FAM83F: variants seen among roughly 807,000 people sequenced by gnomAD.
The protein encoded by FAM83F is protein FAM83F.
Under a neutral mutation model 42.9 loss-of-function variants are expected in FAM83F, and 45 were observed. The observed-to-expected ratio is 1.05, with a 90% CI of 0.83 to 1.35. FAM83F has a LOEUF of 1.35. Ranked by LOEUF, FAM83F falls within the 40% of genes most tolerant of loss-of-function variation. The probability of loss-of-function intolerance (pLI) is 0.00; values close to 1 mark genes in which losing one functional copy is unlikely to be tolerated. For synonymous variants in FAM83F, 306 were observed against 298.3 expected, an observed-to-expected ratio of 1.03 and a Z score of -0.27; for missense variants, 617 against 695.9, an observed-to-expected ratio of 0.89 and a Z score of 1.28.
Position 40,021,623 on chromosome 22 carries a change from G to A in FAM83F, c.1113G>A (p.Leu371=). The A allele has an allele frequency of 6.3e-7, 1 of 1,590,526 alleles. No homozygotes were observed. Among genetic ancestry groups the A allele is most frequent in the Non-Finnish European group, 8.6e-7 (1 of 1,163,114 alleles). The change falls in exon 4 of 5, where the codon CTG becomes CTA. Residue 371 remains leucine, a synonymous_variant. Transcript: ENST00000333407. The surrounding 1 kb of genome is among the most constrained non-coding windows in gnomAD (Gnocchi z 8.7). Reference sequence around the variant, plus strand: ...GCGGTGGCGAGTCGGCCTGGCGCCTGGAGAGCTTCCTGAAAGACCTGGTTA... The same window carrying A: ...GCGGTGGCGAGTCGGCCTGGCGCCTAGAGAGCTTCCTGAAAGACCTGGTTA... ...GASGGESAWR[L]ESFLKDLVTV... is the part of the protein sequence containing the mutation.
At chr22:40,029,080 CG>C (rs1402397539) in intron 4 of FAM83F, among the ~76,000 whole-genome samples, 5 of 130,520 alleles carry the variant, frequency 3.8e-5, no homozygotes, top group African/African-American at 1.4e-4. Context: ...CTTGGCTAGA[CG>C]TGTGTGTGTG....
In FAM83F at chr22:40,021,730, T is replaced by G. The variant is rs554648866; in HGVS notation, c.1220T>G (p.Met407Arg). The G allele has an allele frequency of 1.2e-6, 2 of 1,612,926 alleles. No individual in the cohort carries two copies. The highest frequency in any genetic ancestry group is 2.7e-5 in the African/African-American group (2 of 74,998). The change falls in exon 4 of 5, where the codon ATG (methionine) becomes AGG (arginine). Residue 407 changes from methionine to arginine, a missense_variant. Transcript: ENST00000333407. The surrounding 1 kb of genome is among the most constrained non-coding windows in gnomAD (Gnocchi z 8.7). Reference sequence around the variant, plus strand: ...AAGGATGGCAGGATGGTCTCTCACATGCACAGAGACCTGAAGCCCAAATCC... The same window carrying G: ...AAGGATGGCAGGATGGTCTCTCACAGGCACAGAGACCTGAAGCCCAAATCC... ...SQKDGRMVSH[M>R]HRDLKPKSRE...
At position 39,995,655 on chromosome 22, in the gene FAM83F, A is replaced by G; in HGVS notation, c.489+124A>G. 1 of 1,387,390 alleles carries G rather than the reference A, an allele frequency of 7.2e-7. No homozygotes were observed. The highest frequency in any genetic ancestry group is 9.5e-7 in the Non-Finnish European group (1 of 1,056,102). 85.9% of individuals were successfully genotyped at this position (1,387,390 alleles called of 1,614,324 possible). ...AGCACCCTCTGGAAAATGGGCCCCA[A>G]CCCGCCCCTACTTCCTGGGGCTGCA... On this transcript the variant is annotated intron_variant, in intron 1 of 4. Transcript: ENST00000333407. The surrounding 1 kb of genome is among the most constrained non-coding windows in gnomAD (Gnocchi z 4.6).
At position 40,041,192 on chromosome 22, in the gene FAM83F, C is replaced by A. The variant is rs549790676; in HGVS notation, c.*11627C>A. Reference sequence around the variant, plus strand: ...ACTGTATAGAACACCACATATAGAGCGCTAAGAATAGCACAGCGCTCCAAG... The same window carrying A: ...ACTGTATAGAACACCACATATAGAGAGCTAAGAATAGCACAGCGCTCCAAG... On this transcript the variant is annotated 3_prime_UTR_variant, in exon 5 of 5. Coordinates refer to ENST00000333407, the MANE Select transcript of FAM83F (RefSeq NM_138435.4). The A allele has an allele frequency of 2.0e-5, 3 of 152,204 alleles. No individual in the cohort carries two copies. Among genetic ancestry groups the A allele is most frequent in the South Asian group, 4.1e-4 (2 of 4,828 alleles). The allele number at this position is 152,204 out of a possible 1,614,324, so 9.4% of individuals were successfully genotyped here.
At chr22:40,020,966 T>A (rs2067516547) in intron 3 of FAM83F, among the ~76,000 whole-genome samples, 1 of 152,212 alleles carries the variant, frequency 6.6e-6, no homozygotes, top group Non-Finnish European at 1.5e-5. Context: ...GTTACTTCAT[T>A]TGTGCCTCAC....
chr22:40,018,007 G>A (rs1056287427), intron 1 of FAM83F, among the ~76,000 whole-genome samples: 19 of 152,228 alleles, frequency 1.2e-4, no homozygotes, highest in Non-Finnish European at 5.9e-5. Flanking sequence ...CAGCTGGAGC[G>A]TGGAGCATGG....
chr22:40,027,555 C>A (rs1286652498), intron 4 of FAM83F, among the ~76,000 whole-genome samples: 1 of 152,254 alleles, frequency 6.6e-6, no homozygotes, highest in Non-Finnish European at 1.5e-5. Context: ...CATTTATACA[C>A]CTTCCCTGTT....
At chr22:39,997,587 C>T (rs1337581787) in intron 1 of FAM83F, among the ~76,000 whole-genome samples, 1 of 152,028 alleles carries the variant, frequency 6.6e-6, no homozygotes, top group Non-Finnish European at 1.5e-5. Context: ...GCTGAATGTG[C>T]CTAATCTGGG....
chr22:40,026,239 G>A (rs2067551671), intron 4 of FAM83F, among the ~76,000 whole-genome samples: 2 of 152,196 alleles, frequency 1.3e-5, no homozygotes, highest in Admixed American at 1.3e-4. Context: ...AGACTGTTTG[G>A]GCCCGGCGTG....
chr22:40,025,183 G>A (rs980746966), intron 4 of FAM83F, among the ~76,000 whole-genome samples: 13 of 152,172 alleles, frequency 8.5e-5, no homozygotes, highest in African/African-American at 3.1e-4. Flanking sequence ...GCTTTGGGAG[G>A]CTGAGCTGGG....
At chr22:40,020,778 A>C (rs1438821908) in intron 3 of FAM83F, among the ~76,000 whole-genome samples, 2 of 152,204 alleles carry the variant, frequency 1.3e-5, no homozygotes, top group African/African-American at 4.8e-5. Context: ...TGAAACAGTG[A>C]ATAGCAGGGT....
At chr22:40,013,730 T>C (rs1489039733) in intron 1 of FAM83F, among the ~76,000 whole-genome samples, 1 of 152,128 alleles carries the variant, frequency 6.6e-6, no homozygotes, top group Admixed American at 6.5e-5. Context: ...ATATGGAGAG[T>C]ATTCGATTTT....
At chr22:40,014,131 C>CTTTTTTTTTTTTT (rs57224519) in intron 1 of FAM83F, among the ~76,000 whole-genome samples, 605 of 116,798 alleles carry the variant, frequency 5.2e-3, no homozygotes, top group African/African-American at 5.9e-3. Flanking sequence ...TATTTCTTTT[C>CTTTTTTTTTTTTT]TTTTTTTTTT....
chr22:40,029,200 C>G (rs948170975), intron 4 of FAM83F, among the ~76,000 whole-genome samples: 4 of 151,542 alleles, frequency 2.6e-5, no homozygotes, highest in Non-Finnish European at 4.4e-5. Flanking sequence ...GCAGCCAAGA[C>G]TTTGGACTTG....
intron 1 of FAM83F, among the ~76,000 whole-genome samples, chr22:40,016,871 C>A (rs900914849): frequency 1.3e-5 from 2 of 151,868 alleles, no homozygotes; most frequent in Non-Finnish European, 2.9e-5. Flanking sequence ...ACCATGTTGG[C>A]CAGGCTGGTT....
At chr22:40,020,124 G>A (rs146593809) in intron 3 of FAM83F, 116 bp downstream of exon 3, 1 of 1,412,136 alleles carries the variant, frequency 7.1e-7, no homozygotes, top group Non-Finnish European at 9.4e-7. Flanking sequence ...ATCATCTGAC[G>A]CAATAGCAAA....
rs191457918 is a variant in FAM83F, at chr22:40,001,178, T to G, written c.489+5647T>G. 2.6e-4 allele frequency among the ~76,000 whole-genome samples: 39 copies of G among 152,322 alleles called. 1 individual carries two copies. The highest frequency in any genetic ancestry group is 9.4e-4 in the African/African-American group (39 of 41,588). ...CCCAGGAGCTGGCATTTCTGAGCAA[T>G]GGACCAGCTTCATGTCAAAAACAGA... On this transcript the variant is annotated intron_variant, in intron 1 of 4. Transcript: ENST00000333407.
chr22:40,026,350 C>G (rs979153881), intron 4 of FAM83F, among the ~76,000 whole-genome samples: 1 of 152,074 alleles, frequency 6.6e-6, no homozygotes, highest in Non-Finnish European at 1.5e-5. Context: ...GAAATCCTGT[C>G]TCTACTAAAA....
intron 1 of FAM83F, among the ~76,000 whole-genome samples, chr22:40,001,769 T>C (rs2067402935): frequency 6.6e-6 from 1 of 152,216 alleles, no homozygotes; most frequent in Non-Finnish European, 1.5e-5. Context: ...TTTTAGAAAG[T>C]AACTGCTGTC....
Sources: gnomAD v4.1 joint callset for allele counts (sites outside exome capture counted in the v4.1 genomes callset) on GRCh38, gnomAD v4.1.1 for gene constraint, Gnocchi (gnomAD v3.1) non-coding constraint, MANE v1.5 for transcripts, NCBI Gene and HGNC (gene_info 2026-07-23, HGNC 2026-07-21) for gene names.